SLC25A39: variants seen among roughly 807,000 people sequenced by gnomAD.
SLC25A39 encodes mitochondrial glutathione transporter SLC25A39.
A neutral mutation model predicts 46.6 loss-of-function variants in SLC25A39; 44 were observed. The ratio of observed to expected loss-of-function variants is 0.94; its 90% CI spans 0.74 to 1.21. The LOEUF is 1.21. Ranked by LOEUF, SLC25A39 falls within the 50% of genes most tolerant of loss-of-function variation. The probability of loss-of-function intolerance (pLI) is 0.00; values close to 1 mark genes in which losing one functional copy is unlikely to be tolerated. For missense variants in SLC25A39, 487 were observed against 473.0 expected (o/e 1.03, Z -0.28); for synonymous variants, 218 against 190.6 (o/e 1.14, Z -1.19).
rs143746290 is a variant in SLC25A39 at position 44,321,444 on chromosome 17, C to A, written c.507G>T (p.Ala169=). The A allele has an allele frequency of 6.2e-7, 1 of 1,612,938 alleles. No homozygotes were observed. The highest frequency in any genetic ancestry group is 2.2e-5 in the East Asian group (1 of 44,816). Residue 169 remains alanine (A), a synonymous_variant, in exon 7 of 12, where the codon GCG becomes GCT. Transcript: ENST00000377095. ...SDLYAPMVAG[A]LARLGTVTVI... is the part of the protein sequence containing the mutation. The stretch of plus-strand genomic sequence containing the variant: ...CAAGACTATGCTCACGGCGGGCCAG[C>A]GCGCCAGCCACCATGGGTGCGTAGA...
intron 9 of SLC25A39, 37 bp downstream of exon 9, chr17:44,320,585 A>C: frequency 6.3e-7 from 1 of 1,593,234 alleles, no homozygotes; most frequent in Non-Finnish European, 8.6e-7. Flanking sequence ...CCGCAGGGAG[A>C]CCTCCGCTGG....
rs754510576 is a variant in SLC25A39 at position 44,320,102 on chromosome 17, T to C, written c.979A>G (p.Ile327Val). The change falls in exon 12 of 12, where the codon ATC (isoleucine) becomes GTC (valine). Residue 327 changes from isoleucine (I) to valine (V), a missense_variant. By Grantham distance (29) the Ile-to-Val change is conservative (BLOSUM62 3). Coordinates refer to ENST00000377095, the MANE Select transcript of SLC25A39 (RefSeq NM_001143780.3). The stretch of plus-strand genomic sequence containing the variant: ...GCACAGGAGGGGGCAGCCTTGATGA[T>C]CCGAGGAAGGAAGCCTGCAGTGGAA... ...KGLFAGFLPR[I>V]IKAAPSCAIM... 1 of 1,613,972 alleles carries C rather than the reference T, an allele frequency of 6.2e-7. No homozygotes were observed. Among genetic ancestry groups the C allele is most frequent in the South Asian group, 1.1e-5 (1 of 91,078 alleles).
chr17:44,323,440 T>TTCCCCCCC, intron 2 of SLC25A39, 38 bp downstream of exon 2: 1 of 341,554 alleles, frequency 2.9e-6, no homozygotes, highest in Admixed American at 6.5e-5. Flanking sequence ...GTCTGCCCCA[T>TTCCCCCCC]CCCCACCCGC....
In SLC25A39 at chr17:44,321,752, T is replaced by C. The variant is rs1359455499; in HGVS notation, c.340A>G (p.Ile114Val). ...FTGTMDAFVKIVRHEGTRTLW... is the reference protein window; with the variant it reads ...FTGTMDAFVKVVRHEGTRTLW... ...GTCCTGGTGCCCTCGTGCCTCACGA[T>C]CTTCACGAAGGCATCCTGGCCAAGC... is the stretch of plus-strand genomic sequence containing the variant. Residue 114 changes from isoleucine (I) to valine (V), a missense_variant, in exon 6 of 12, where the codon ATC (isoleucine) becomes GTC (valine). Coordinates refer to ENST00000377095, the MANE Select transcript of SLC25A39 (RefSeq NM_001143780.3). 1.2e-6 allele frequency: 2 copies of C among 1,612,264 alleles called. No homozygotes were observed. Among genetic ancestry groups the C allele is most frequent in the African/African-American group, 2.7e-5 (2 of 74,884 alleles).
rs1316154729 is a variant in SLC25A39, at chr17:44,320,419, A to G, written c.819T>C (p.Thr273=). 1 of 1,613,588 alleles carries G rather than the reference A, an allele frequency of 6.2e-7. No individual in the cohort carries two copies. Among genetic ancestry groups the G allele is most frequent in the Non-Finnish European group, 8.5e-7 (1 of 1,180,014 alleles). ...GISGTVAAVL[T]LPFDVVKTQR... is the part of the protein sequence containing the mutation. ...GGGTCTTTACCACGTCAAAGGGTAGAGTCAGCACTGCAGCCACCTGGTGGG... is the reference window on the plus strand; with the variant it reads ...GGGTCTTTACCACGTCAAAGGGTAGGGTCAGCACTGCAGCCACCTGGTGGG... The change falls in exon 10 of 12, where the codon ACT becomes ACC. Residue 273 remains threonine (T), a synonymous_variant. Coordinates refer to ENST00000377095, the MANE Select transcript of SLC25A39 (RefSeq NM_001143780.3).
rs750569530 is a variant in SLC25A39, at chr17:44,321,568, C to G, written c.393-10G>C. 27 of 1,613,374 alleles carry G rather than the reference C, an allele frequency of 1.7e-5. No homozygotes were observed. The highest frequency in any genetic ancestry group is 9.9e-5 in the South Asian group (9 of 91,062). The stretch of plus-strand genomic sequence containing the variant: ...TGGCACAGTCATCACCCTGGGGATA[C>G]AGAGAGAGGTTAGCTGGGACTCCCA... On this transcript the variant is annotated splice_polypyrimidine_tract_variant and intron_variant, in intron 6 of 11. Transcript: ENST00000377095.
chr17:44,323,441 C>CG, intron 2 of SLC25A39, 37 bp downstream of exon 2: 5 of 615,140 alleles, frequency 8.1e-6, no homozygotes, highest in Non-Finnish European at 1.3e-5. Flanking sequence ...TCTGCCCCAT[C>CG]CCCACCCGCC....
rs769660133 is a variant in SLC25A39, at chr17:44,320,337, G to T, written c.883+18C>A. ...CAGGACCCCACCTGTCCCCTGCCAC[G>T]GCAATCTGGGCCCTCACCTCTCACA... On this transcript the variant is annotated intron_variant, in intron 10 of 11. Transcript: ENST00000377095. 1.9e-6 allele frequency: 3 copies of T among 1,613,370 alleles called. No homozygotes were observed. In the African/African-American group the frequency reaches 4.0e-5, roughly 22 times the overall value.
At chr17:44,320,851 CAG>C in intron 8 of SLC25A39, 120 bp from the exon 9 acceptor site, 1 of 978,726 alleles carries the variant, frequency 1.0e-6, no homozygotes, top group Non-Finnish European at 1.5e-6. Flanking sequence ...CATGCAGGCT[CAG>C]AAGCAGGCAC....
chr17:44,323,737 G>A (rs189617818), intron 1 of SLC25A39, 160 bp from the exon 2 acceptor site: 4 of 594,754 alleles, frequency 6.7e-6, no homozygotes, highest in East Asian at 2.8e-5. Context: ...ATCCACCCCC[G>A]TTCAAGCGGT....
At chr17:44,324,240 C>G (rs2143215957) in intron 1 of SLC25A39, 1 of 152,846 alleles carries the variant, frequency 6.5e-6, no homozygotes, top group South Asian at 2.0e-4. Flanking sequence ...GCCCCAAAAT[C>G]AGAGTACCTG....
chr17:44,320,863 C>T (rs2048008749), intron 8 of SLC25A39, 132 bp from the exon 9 acceptor site: 1 of 960,620 alleles, frequency 1.0e-6, no homozygotes, highest in African/African-American at 1.6e-5. Flanking sequence ...GAAGCAGGCA[C>T]TCTGTAGGAA....
chr17:44,319,957 T>A lies in SLC25A39; in HGVS notation c.*44A>T. ...CTTGGCTGGGTCTCCTCCTGCCCTC[T>A]CCCCATCCGTGGGAGAGACGGGGTC... On this transcript the variant is annotated 3_prime_UTR_variant, in exon 12 of 12. Transcript: ENST00000377095. 1 of 1,590,826 alleles carries A rather than the reference T, an allele frequency of 6.3e-7. No homozygotes were observed. Among genetic ancestry groups the A allele is most frequent in the Non-Finnish European group, 8.6e-7 (1 of 1,159,884 alleles).
At position 44,323,284 on chromosome 17, in the gene SLC25A39, C is replaced by CAT. The variant is rs753769340; in HGVS notation, c.144_145insAT (p.Glu49MetfsTer3). 1.9e-6 allele frequency: 3 copies of CAT among 1,613,834 alleles called. No homozygotes were observed. Among genetic ancestry groups the CAT allele is most frequent in the Non-Finnish European group, 2.5e-6 (3 of 1,179,952 alleles). On this transcript the variant is annotated frameshift_variant and splice_region_variant, in exon 3 of 12. Coordinates refer to ENST00000377095, the MANE Select transcript of SLC25A39 (RefSeq NM_001143780.3). LOFTEE classifies it high-confidence loss of function. ...CACTAGTTCCAGGTCAGGTACTCAC[C>CAT]GCTGGCCATGGAGGGCCGCTGAGAC...
intron 2 of SLC25A39, 28 bp downstream of exon 2, chr17:44,323,450 C>CCCCCCCCCCT: frequency 6.9e-7 from 1 of 1,443,162 alleles, no homozygotes; most frequent in Non-Finnish European, 9.4e-7. Context: ...TCCCCACCCG[C>CCCCCCCCCCT]CCCCACCCCA....
intron 3 of SLC25A39, 30 bp from the exon 4 acceptor site, chr17:44,322,882 G>A (rs371778065): frequency 6.2e-7 from 1 of 1,612,996 alleles, no homozygotes; most frequent in African/African-American, 1.3e-5. Flanking sequence ...CTCAAGTCAG[G>A]AGAGCCCCCA....
At chr17:44,324,599 G>A (rs1423647075) in intron 1 of SLC25A39, 112 bp downstream of exon 1, 3 of 152,316 alleles carry the variant, frequency 2.0e-5, no homozygotes, top group Non-Finnish European at 4.4e-5. Context: ...AGAGCCGCCA[G>A]GTGAGGGGGA....
At chr17:44,321,372 A>G in intron 7 of SLC25A39, 62 bp downstream of exon 7, 1 of 1,609,474 alleles carries the variant, frequency 6.2e-7, no homozygotes. Flanking sequence ...GGGAGCTGGG[A>G]CTGACTGGGT....
chr17:44,321,495 C>T lies in SLC25A39; in HGVS notation c.456G>A (p.Leu152=), dbSNP rs781529997. The T allele has an allele frequency of 2.3e-5, 37 of 1,613,996 alleles. No individual in the cohort carries two copies. Among genetic ancestry groups the T allele is most frequent in the Non-Finnish European group, 2.9e-5 (34 of 1,180,000 alleles). The change falls in exon 7 of 12, where the codon CTG becomes CTA. Residue 152 remains leucine, a synonymous_variant. Coordinates refer to ENST00000377095, the MANE Select transcript of SLC25A39 (RefSeq NM_001143780.3). ...FTAYDQLKAF[L]CGRALTSDLY... The stretch of plus-strand genomic sequence containing the variant: ...GGTCAGAGGTCAGGGCTCGACCACA[C>T]AGGAAGGCCTTCAGTTGGTCATAGG...
Sources: allele counts gnomAD v4.1 joint callset, GRCh38; gene constraint gnomAD v4.1.1; transcripts MANE v1.5; gene names NCBI Gene and HGNC (gene_info 2026-07-23, HGNC 2026-07-21).